The following SRP68 variants were observed in gnomAD, a reference collection of about 807,000 sequenced individuals.
SRP68 encodes the protein signal recognition particle subunit SRP68.
Under a neutral mutation model 82.2 loss-of-function variants are expected in SRP68, and 15 were observed. The ratio of observed to expected loss-of-function variants is 0.18; its 90% CI spans 0.12 to 0.28. SRP68 has a LOEUF of 0.28. SRP68 is among the 10% of genes least tolerant of loss of function. The pLI is 1.00. For synonymous variants in SRP68, 261 were observed against 292.6 expected (o/e 0.89, Z 1.10); for missense variants, 595 against 780.5 (o/e 0.76, Z 2.83).
At position 76,040,942 on chromosome 17, in the gene SRP68, G is replaced by C. The variant is rs775156164; in HGVS notation, c.1561C>G (p.Arg521Gly). The stretch of plus-strand genomic sequence containing the variant: ...GCCTGCAGGGAGCACTTCTCTGACC[G>C]CACTTGAGTGATGAGCTCTTGCACA... The part of the protein sequence containing the change: ...PDVQELITQV[R>G]SEKCSLQAAA... Residue 521 changes from arginine to glycine, a missense_variant, in exon 14 of 16, where the codon CGG becomes GGG. Transcript: ENST00000307877. 15 of 1,614,032 alleles carry C rather than the reference G, an allele frequency of 9.3e-6. No individual in the cohort carries two copies. Among genetic ancestry groups the C allele is most frequent in the Non-Finnish European group, 1.3e-5 (15 of 1,179,968 alleles).
chr17:76,045,982 C>A, intron 11 of SRP68, 56 bp downstream of exon 11: 1 of 1,605,826 alleles, frequency 6.2e-7, no homozygotes, highest in Middle Eastern at 2.0e-4. Flanking sequence ...CACTTTGTGT[C>A]CGACACAGGC....
intron 8 of SRP68, among the ~76,000 whole-genome samples, chr17:76,052,619 A>G (rs1475844361): frequency 6.6e-6 from 1 of 151,840 alleles, no homozygotes; most frequent in Admixed American, 6.6e-5. Flanking sequence ...CCTGGCTAAC[A>G]CGATGAAACC....
At chr17:76,057,309 G>A (rs1187740482) in intron 8 of SRP68, 94 bp downstream of exon 8, 1 of 1,491,292 alleles carries the variant, frequency 6.7e-7, no homozygotes, top group Non-Finnish European at 9.2e-7. Context: ...TTTGTTTTAT[G>A]AGAACTGAAT....
At chr17:76,052,937 CAT>C (rs1487677132) in intron 8 of SRP68, among the ~76,000 whole-genome samples, 7 of 144,792 alleles carry the variant, frequency 4.8e-5, no homozygotes, top group South Asian at 2.2e-4. Flanking sequence ...AAAAAAAAGA[CAT>C]GTGAATGGAC....
chr17:76,056,254 C>A (rs2066713175), intron 8 of SRP68, among the ~76,000 whole-genome samples: 1 of 152,174 alleles, frequency 6.6e-6, no homozygotes, highest in African/African-American at 2.4e-5. Context: ...GTCAGAATTC[C>A]TGCCCCACTG....
intron 3 of SRP68, among the ~76,000 whole-genome samples, chr17:76,066,744 TG>T (rs1371918377): frequency 1.3e-5 from 2 of 151,392 alleles, no homozygotes; most frequent in East Asian, 3.9e-4. Flanking sequence ...TTTTTTTTTT[TG>T]AGATGGAGTG....
chr17:76,060,354 C>T lies in SRP68; in HGVS notation c.791G>A (p.Arg264Lys). 1 of 1,612,002 alleles carries T rather than the reference C, an allele frequency of 6.2e-7. No individual in the cohort carries two copies. The highest frequency in any genetic ancestry group is 1.7e-5 in the Admixed American group (1 of 59,502). The change falls in exon 7 of 16, where the codon AGA becomes AAA. Residue 264 changes from arginine to lysine, a missense_variant. Arg to Lys is a conservative substitution (Grantham distance 26). Transcript: ENST00000307877. ...QSAINELMQM[R>K]LRSGGTEGLL... Reference sequence around the variant, plus strand: ...ACCCTCAGTGCCCCCAGACCTCAATCTCATCTGCATGAGTTCATTGATGGC... The same window carrying T: ...ACCCTCAGTGCCCCCAGACCTCAATTTCATCTGCATGAGTTCATTGATGGC...
In SRP68 at chr17:76,072,328, C is replaced by T; in HGVS notation, c.164G>A (p.Gly55Glu). 1 of 1,612,470 alleles carries T rather than the reference C, an allele frequency of 6.2e-7. No individual in the cohort carries two copies. The highest frequency in any genetic ancestry group is 1.1e-5 in the South Asian group (1 of 90,880). Residue 55 changes from glycine to glutamate, a missense_variant, in exon 1 of 16, where the codon GGG (glycine) becomes GAG (glutamate). This residue lies in a region of SRP68 where 100 missense variants were observed against 91.9 expected (regional missense o/e 1.09). Transcript: ENST00000307877. This position sits in a 1 kb window ranked among gnomAD's most constrained non-coding sequence, Gnocchi z 4.5. ...GATACTCTCCAAACTCAGGCTATCC[C>T]CAAATTCTTTGTTTGCCTTCGATCC... ...SAGSKANKEF[G>E]DSLSLEILQI...
At chr17:76,043,622 TTCATACCTAAA>T in intron 13 of SRP68, 196 bp downstream of exon 13, 1 of 367,774 alleles carries the variant, frequency 2.7e-6, no homozygotes, top group Non-Finnish European at 4.7e-6. Flanking sequence ...CCTTCCCTTC[TTCATACCTAAA>T]TCCTCCTCAG....
chr17:76,061,378 T>C (rs754549195), intron 5 of SRP68, 114 bp downstream of exon 5: 9 of 1,035,996 alleles, frequency 8.7e-6, no homozygotes, highest in African/African-American at 3.2e-5. Context: ...AACATTTCTA[T>C]AGGAAAGAAA....
Position 76,060,532 on chromosome 17 carries a change from AGTC to A in SRP68, c.755-145_755-143del. On this transcript the variant is annotated intron_variant, in intron 6 of 15. Transcript: ENST00000307877. ...CAGCACAATCTGTTCTCTGAAGACAAGTCTTTTATAAAGAATGAAATTGACTGG... is the reference window on the plus strand; with the variant it reads ...CAGCACAATCTGTTCTCTGAAGACAATTTTATAAAGAATGAAATTGACTGG... 3 of 601,556 alleles carry A rather than the reference AGTC, an allele frequency of 5.0e-6. No homozygotes were observed. The South Asian group carries it at 6.5e-5, about 13-fold the overall frequency. The allele number at this position is 601,556 out of a possible 1,614,324, so 37.3% of individuals were successfully genotyped here.
chr17:76,050,509 A>G lies in SRP68; in HGVS notation c.996T>C (p.Thr332=). 6.2e-7 allele frequency: 1 copy of G among 1,613,450 alleles called. No individual in the cohort carries two copies. The highest frequency in any genetic ancestry group is 8.5e-7 in the Non-Finnish European group (1 of 1,179,704). ...GCATTGATTCAAACAGGCGCTCCTT[A>G]GTTTCTTCGCTTTCAGCCTAAACAA... ...AAIVQAESEE[T]KERLFESMLS... Residue 332 remains threonine (T), a synonymous_variant, in exon 9 of 16, where the codon ACT becomes ACC. Transcript: ENST00000307877.
intron 8 of SRP68, among the ~76,000 whole-genome samples, chr17:76,054,174 C>G (rs1003887109): frequency 1.3e-5 from 2 of 152,226 alleles, no homozygotes; most frequent in Non-Finnish European, 2.9e-5. Flanking sequence ...TCTCGTCAGG[C>G]TCAGTTTCAA....
chr17:76,044,064 T>A, intron 12 of SRP68, 106 bp from the exon 13 acceptor site: 1 of 1,325,616 alleles, frequency 7.5e-7, no homozygotes, highest in Non-Finnish European at 1.0e-6. Flanking sequence ...ACAGGTTTCT[T>A]AACGTGGGAT....
At position 76,047,925 on chromosome 17, in the gene SRP68, T is replaced by C. The variant is rs2066643602; in HGVS notation, c.1123A>G (p.Asn375Asp). The C allele has an allele frequency of 6.4e-7, 1 of 1,572,236 alleles. No homozygotes were observed. The highest frequency in any genetic ancestry group is 8.7e-7 in the Non-Finnish European group (1 of 1,156,052). ...CCTTACCTATGCAAGTATTGAAGAT[T>C]AGACACCTTCCCTGGCTCTCCTTCA... ...ILEGEPGKVS[N>D]LQYLHSYLTY... The change falls in exon 10 of 16, where the codon AAT becomes GAT. Residue 375 changes from asparagine to aspartate, a missense_variant. By Grantham distance (23) the Asn-to-Asp change is conservative. Transcript: ENST00000307877.
At chr17:76,050,904 A>T (rs897365396) in intron 8 of SRP68, among the ~76,000 whole-genome samples, 9 of 151,734 alleles carry the variant, frequency 5.9e-5, no homozygotes, top group Admixed American at 1.3e-4. Context: ...TGGACTTGGG[A>T]CACTCTACAC....
chr17:76,064,199 A>C (rs1412825711), intron 3 of SRP68, 28 bp from the exon 4 acceptor site: 2 of 1,600,934 alleles, frequency 1.2e-6, no homozygotes, highest in South Asian at 1.1e-5. Context: ...GTGGGGAGAC[A>C]ATAAAGGCCA....
At position 76,046,898 on chromosome 17, in the gene SRP68, G is replaced by A. The variant is rs183265226; in HGVS notation, c.1143-704C>T. On this transcript the variant is annotated intron_variant, in intron 10 of 15. Transcript: ENST00000307877. The stretch of plus-strand genomic sequence containing the variant: ...GGAGCTTGCAGTGAGCCAAGATTGC[G>A]CCACTGCACTCCAGCCTGGGCGACA... 5.7e-4 allele frequency among the ~76,000 whole-genome samples: 87 copies of A among 151,588 alleles called. No individual in the cohort carries two copies. In the East Asian group the frequency reaches 0.015, roughly 27 times the overall value.
At chr17:76,058,633 A>G (rs1044218818) in intron 7 of SRP68, among the ~76,000 whole-genome samples, 1 of 152,226 alleles carries the variant, frequency 6.6e-6, no homozygotes, top group Non-Finnish European at 1.5e-5. Context: ...TTAAAAGGAC[A>G]TAGCGGAAGG....
Sources: allele counts gnomAD v4.1 joint callset (sites outside exome capture counted in the v4.1 genomes callset), GRCh38; gene constraint gnomAD v4.1.1; regional missense constraint gnomAD v4.1.1; non-coding constraint Gnocchi (gnomAD v3.1); transcripts MANE v1.5; gene names NCBI Gene and HGNC (gene_info 2026-07-23, HGNC 2026-07-21).